Variants in PDE6A observed in about 807,000 individuals in gnomAD.
PDE6A encodes rod cGMP-specific 3',5'-cyclic phosphodiesterase subunit alpha.
A neutral mutation model predicts 106.3 loss-of-function variants in PDE6A; 84 were observed. That is an observed-to-expected ratio of 0.79 (90% CI 0.66 to 0.95). The LOEUF is 0.95. PDE6A is among the 40% of genes least tolerant of loss of function. The probability of loss-of-function intolerance (pLI) is 0.00; values close to 1 mark genes in which losing one functional copy is unlikely to be tolerated. For synonymous variants in PDE6A, 394 were observed against 386.6 expected, an observed-to-expected ratio of 1.02 and a Z score of -0.23; for missense variants, 1,052 against 1,084.9, an observed-to-expected ratio of 0.97 and a Z score of 0.43.
At chr5:149,929,499 C>T (rs893623677) in intron 4 of PDE6A, among the ~76,000 whole-genome samples, 1 of 151,920 alleles carries the variant, frequency 6.6e-6, no homozygotes, top group African/African-American at 2.4e-5. Context: ...CCCAGCTACT[C>T]GGGAGACTGA....
chr5:149,884,624 C>T (rs369669391), intron 15 of PDE6A, 45 bp from the exon 16 acceptor site: 1 of 1,529,736 alleles, frequency 6.5e-7, no homozygotes, highest in Non-Finnish European at 9.1e-7. Context: ...TTGATGCTGG[C>T]AGTAAAGTCA....
intron 8 of PDE6A, among the ~76,000 whole-genome samples, chr5:149,902,375 C>T (rs576794335): frequency 2.0e-5 from 3 of 152,252 alleles, no homozygotes; most frequent in African/African-American, 7.2e-5. Flanking sequence ...AATCACCACT[C>T]GGTGTCTCTT....
intron 5 of PDE6A, among the ~76,000 whole-genome samples, chr5:149,920,756 G>T (rs529526379): frequency 2.4e-4 from 36 of 151,852 alleles, no homozygotes; most frequent in African/African-American, 8.4e-4. Flanking sequence ...GAAAGACTTT[G>T]ATTTTTAAGG....
chr5:149,924,678 T>A (rs1178265258), intron 4 of PDE6A, among the ~76,000 whole-genome samples: 1 of 152,220 alleles, frequency 6.6e-6, no homozygotes, highest in Non-Finnish European at 1.5e-5. Flanking sequence ...ACTGTGTGTA[T>A]GTGTATGAAC....
At chr5:149,889,957 AT>A (rs111949887) in intron 13 of PDE6A, among the ~76,000 whole-genome samples, 3,048 of 121,304 alleles carry the variant, frequency 0.025, 58 homozygotes, top group African/African-American at 0.072. Context: ...AGTCATATTC[AT>A]TTTTTTTTTT....
chr5:149,937,458 G>A (rs978112386), intron 1 of PDE6A, among the ~76,000 whole-genome samples: 1 of 152,114 alleles, frequency 6.6e-6, no homozygotes, highest in African/African-American at 2.4e-5. Flanking sequence ...GCTCACTGCA[G>A]CCTCGACCTC....
intron 5 of PDE6A, among the ~76,000 whole-genome samples, chr5:149,920,955 A>AAAGAAAG (rs1554091237): frequency 8.1e-6 from 1 of 124,184 alleles, no homozygotes; most frequent in Middle Eastern, 3.6e-3. Context: ...AGAAAGAAAG[A>AAAGAAAG]AAGAAAGAAA....
At chr5:149,893,798 C>T (rs77680928) in intron 13 of PDE6A, among the ~76,000 whole-genome samples, 11,276 of 152,170 alleles carry the variant, frequency 0.074, 464 homozygotes, top group South Asian at 0.18. Flanking sequence ...ATTGGGTTTG[C>T]TTACTCTGTT....
rs10657525 is a variant in PDE6A, at chr5:149,894,629, AT to A, written c.1728+553del. Among the ~76,000 whole-genome samples, 234 of 113,026 alleles carry A rather than the reference AT, an allele frequency of 2.1e-3. 2 individuals are homozygous for A. The South Asian group carries it at 0.026, about 13-fold the overall frequency. The allele number at this position is 113,026 out of a possible 152,430, so 74.1% of individuals were successfully genotyped here. On this transcript the variant is annotated intron_variant, in intron 13 of 21. Coordinates refer to ENST00000255266, the MANE Select transcript of PDE6A (RefSeq NM_000440.3). ...TAACCATGACCAATTGAACTGTTGAATTTTTTTTTTTTTTTTTTTTTGAGAC... is the reference window on the plus strand; with the variant it reads ...TAACCATGACCAATTGAACTGTTGAATTTTTTTTTTTTTTTTTTTTGAGAC...
intron 4 of PDE6A, among the ~76,000 whole-genome samples, chr5:149,927,350 A>AT (rs1219433577): frequency 1.1e-4 from 17 of 152,228 alleles, no homozygotes; most frequent in African/African-American, 4.1e-4. Context: ...TATAGACTTT[A>AT]TAAACACTGG....
At chr5:149,896,642 C>T (rs11748849) in intron 11 of PDE6A, 69 bp downstream of exon 11, 2 of 1,613,682 alleles carry the variant, frequency 1.2e-6, no homozygotes, top group African/African-American at 1.3e-5. Flanking sequence ...CAAGGAGAAA[C>T]CCCTGCATGC....
intron 8 of PDE6A, 22 bp downstream of exon 8, chr5:149,903,626 C>T: frequency 6.3e-7 from 1 of 1,598,924 alleles, no homozygotes; most frequent in Non-Finnish European, 8.6e-7. Context: ...ATGACTAAGA[C>T]TGCAAATAAA....
intron 13 of PDE6A, among the ~76,000 whole-genome samples, chr5:149,892,202 GC>G (rs1449999932): frequency 6.6e-6 from 1 of 152,042 alleles, no homozygotes; most frequent in Non-Finnish European, 1.5e-5. Flanking sequence ...TGTAGTTTTA[GC>G]TACTTGGGAG....
intron 4 of PDE6A, among the ~76,000 whole-genome samples, chr5:149,930,119 G>A (rs964959894): frequency 2.0e-5 from 3 of 152,298 alleles, no homozygotes; most frequent in Middle Eastern, 3.4e-3. Context: ...ATGGAAAGAT[G>A]TTTGTAAAAC....
intron 17 of PDE6A, among the ~76,000 whole-genome samples, chr5:149,879,259 ATGGCGTTTCACCATGT>A (rs1760844229): frequency 6.6e-6 from 1 of 152,016 alleles, no homozygotes; most frequent in Non-Finnish European, 1.5e-5. Context: ...TTTAGTAGAG[ATGGCGTTTCACCATGT>A]TGGCCAGACT....
intron 14 of PDE6A, 118 bp from the exon 15 acceptor site, chr5:149,884,985 G>A (rs1752228470): frequency 1.2e-6 from 1 of 818,718 alleles, no homozygotes; most frequent in Non-Finnish European, 2.1e-6. Context: ...TTACTTTTGG[G>A]TCGTGAACTC....
chr5:149,865,273 G>A (rs929600250), intron 20 of PDE6A, among the ~76,000 whole-genome samples: 7 of 150,876 alleles, frequency 4.6e-5, no homozygotes, highest in African/African-American at 1.5e-4. Context: ...AGCTGGATGT[G>A]GTGGTGTGCA....
chr5:149,897,785 C>T (rs1385347241), intron 10 of PDE6A, among the ~76,000 whole-genome samples: 1 of 152,100 alleles, frequency 6.6e-6, no homozygotes, highest in Admixed American at 6.5e-5. Context: ...CAGGGTCTCG[C>T]TGTGTTGCCC....
chr5:149,934,010 T>A lies in PDE6A; in HGVS notation c.637A>T (p.Lys213Ter), dbSNP rs1437385203. The A allele has an allele frequency of 1.9e-6, 3 of 1,605,662 alleles. No homozygotes were observed. Among genetic ancestry groups the A allele is most frequent in the Admixed American group, 1.7e-5 (1 of 59,968 alleles). Residue 213 changes from lysine (K) to a stop codon, truncating the protein, a stop_gained, in exon 3 of 22, where the codon AAG becomes TAG. Transcript: ENST00000255266. LOFTEE classifies it high-confidence loss of function. ...ATTAGATTTGCAAAATTGAGGTACTTGAGAAGAATCTAAAAATCAAACAGC... is the reference window on the plus strand; with the variant it reads ...ATTAGATTTGCAAAATTGAGGTACTAGAGAAGAATCTAAAAATCAAACAGC... ...FTKRDEEILL[K>*]YLNFANLIMK...
Sources: gnomAD v4.1 joint callset for allele counts (sites outside exome capture counted in the v4.1 genomes callset) on GRCh38, gnomAD v4.1.1 for gene constraint, MANE v1.5 for transcripts, NCBI Gene and HGNC (gene_info 2026-07-23, HGNC 2026-07-21) for gene names.